The following CHEK1 variants were observed in gnomAD, a reference collection of about 807,000 sequenced individuals.
CHEK1 encodes checkpoint kinase 1, also known as serine/threonine-protein kinase Chk1.
CHEK1 carries 32 observed loss-of-function variants against 60.2 expected under a neutral mutation model. The observed-to-expected ratio is 0.53, with a 90% CI of 0.40 to 0.71. The LOEUF (loss-of-function observed/expected upper bound fraction) is 0.71. CHEK1 is among the 30% of genes least tolerant of loss of function. The pLI is 0.00. For missense variants in CHEK1, 399 were observed against 564.6 expected (o/e 0.71, Z 2.97); for synonymous variants, 179 against 187.2 (o/e 0.96, Z 0.36).
intron 13 of CHEK1, among the ~76,000 whole-genome samples, chr11:125,674,509 T>C (rs1942388205): frequency 2.0e-5 from 3 of 152,190 alleles, no homozygotes; most frequent in Admixed American, 2.0e-4. Flanking sequence ...GTGTAGAGTG[T>C]AAACAGGGAT....
rs995998550 is a variant in CHEK1, at chr11:125,625,850, A to C, written c.-183A>C. 4.3e-6 allele frequency: 3 copies of C among 702,488 alleles called. No individual in the cohort carries two copies. The highest frequency in any genetic ancestry group is 2.0e-5 in the Admixed American group (1 of 50,012). The allele number at this position is 702,488 out of a possible 1,614,324, so 43.5% of individuals were successfully genotyped here. On this transcript the variant is annotated 5_prime_UTR_variant, in exon 1 of 13. Coordinates refer to ENST00000438015, the MANE Select transcript of CHEK1 (RefSeq NM_001114122.3). The stretch of plus-strand genomic sequence containing the variant: ...GCGGGAGCGGCAACATCTCCACGTC[A>C]CCCTTTTGGAGCCGCCGACATTCAG...
rs1485430319 is a variant in CHEK1, at chr11:125,643,842, G to A, written c.865G>A (p.Gly289Arg). The A allele has an allele frequency of 6.2e-7, 1 of 1,614,068 alleles. No individual in the cohort carries two copies. The highest frequency in any genetic ancestry group is 2.2e-5 in the East Asian group (1 of 44,866). ...TSGGVSESPS[G>R]FSKHIQSNLD... The stretch of plus-strand genomic sequence containing the variant: ...AGGTGGTGTGTCAGAGTCTCCCAGT[G>A]GATTTTCTAAGCACATTCAATCCAA... Residue 289 changes from glycine to arginine, a missense_variant, in exon 9 of 13, where the codon GGA becomes AGA. Transcript: ENST00000438015.
chr11:125,676,409 G>C (rs193921098), downstream of CHEK1: 7 of 1,614,074 alleles, frequency 4.3e-6, no homozygotes, highest in Middle Eastern at 1.6e-4. Flanking sequence ...AGTGATGCAG[G>C]TTCCCTCTCC....
At chr11:125,647,442 G>A (rs1355033117) in intron 11 of CHEK1, among the ~76,000 whole-genome samples, 9 of 151,100 alleles carry the variant, frequency 6.0e-5, no homozygotes. Context: ...TAGCTTTATA[G>A]TGAATTTTGA....
chr11:125,627,080 A>G (rs534131872), intron 2 of CHEK1, among the ~76,000 whole-genome samples: 1 of 152,280 alleles, frequency 6.6e-6, no homozygotes, highest in East Asian at 1.9e-4. Flanking sequence ...GGGTTTAAGC[A>G]TTGCGGTTAA....
chr11:125,648,547 A>C (rs917263862), intron 11 of CHEK1, among the ~76,000 whole-genome samples: 34 of 151,072 alleles, frequency 2.3e-4, no homozygotes, highest in Admixed American at 1.3e-3. Context: ...ACGCCACTGC[A>C]CTCCAGCCTG....
intron 13 of CHEK1, among the ~76,000 whole-genome samples, chr11:125,668,670 T>C (rs474360): frequency 0.32 from 48,304 of 151,852 alleles, 7,952 homozygotes; most frequent in East Asian, 0.42. Context: ...TCTCCTGCCT[T>C]AGTCTCTGGG....
chr11:125,650,311 A>T (rs1349491279), intron 11 of CHEK1, among the ~76,000 whole-genome samples: 1 of 151,598 alleles, frequency 6.6e-6, no homozygotes, highest in African/African-American at 2.4e-5. Context: ...TAAGGGCCAT[A>T]CTTTGTTTCC....
rs145794689 is a variant in CHEK1 at position 125,644,627 on chromosome 11, A to C, written c.1217A>C (p.Lys406Thr). ...GAGAAGTTGGGCTATCAATGGAAGA[A>C]AAGTTGTATGAATCAGGTGTGTTTC... ...TCEKLGYQWKKSCMNQVTIST... is the reference protein window; with the variant it reads ...TCEKLGYQWKTSCMNQVTIST... Residue 406 changes from lysine to threonine, a missense_variant, in exon 11 of 13, where the codon AAA (lysine) becomes ACA (threonine). Transcript: ENST00000438015. The C allele has an allele frequency of 5.1e-5, 83 of 1,613,918 alleles. No homozygotes were observed. Among genetic ancestry groups the C allele is most frequent in the Non-Finnish European group, 6.5e-5 (77 of 1,180,004 alleles).
chr11:125,633,468 A>G, intron 6 of CHEK1, 117 bp downstream of exon 6: 2 of 933,332 alleles, frequency 2.1e-6, no homozygotes, highest in East Asian at 3.2e-5. Flanking sequence ...TTCTTTTTTA[A>G]GAGACAGGGT....
At chr11:125,643,959 C>T in intron 9 of CHEK1, 59 bp downstream of exon 9, 1 of 1,527,594 alleles carries the variant, frequency 6.5e-7, no homozygotes, top group South Asian at 1.2e-5. Flanking sequence ...AAGAATAATA[C>T]ATGTATGTGT....
chr11:125,644,212 T>A lies in CHEK1; in HGVS notation c.1045T>A (p.Cys349Ser). ...VQGISFSQPTCPDHMLLNSQL... is the reference protein window; with the variant it reads ...VQGISFSQPTSPDHMLLNSQL... ...AGGGATCAGCTTTTCCCAGCCCACA[T>A]GTCCTGATCATATGCTTTTGAATAG... Residue 349 changes from cysteine to serine, a missense_variant, in exon 10 of 13, where the codon TGT (cysteine) becomes AGT (serine). Around this residue, in one of 2 missense-constraint regions of CHEK1, gnomAD observed 370 missense variants for 494.8 expected, o/e 0.75. Transcript: ENST00000438015. 3 of 1,614,200 alleles carry A rather than the reference T, an allele frequency of 1.9e-6. No individual in the cohort carries two copies. In the South Asian group the frequency reaches 3.3e-5, roughly 18 times the overall value.
chr11:125,631,987 C>T (rs1371110458), intron 5 of CHEK1, among the ~76,000 whole-genome samples: 1 of 151,744 alleles, frequency 6.6e-6, no homozygotes, highest in African/African-American at 2.4e-5. Context: ...AAATCAGTCC[C>T]CTATTTTGAG....
At chr11:125,678,129 C>T, downstream of CHEK1, 2 of 1,614,168 alleles carry the variant, frequency 1.2e-6, no homozygotes, top group South Asian at 2.2e-5. Flanking sequence ...CTTGCTTGAA[C>T]CATGCTCACT....
chr11:125,662,310 C>G (rs755951856), intron 13 of CHEK1, among the ~76,000 whole-genome samples: 4 of 148,054 alleles, frequency 2.7e-5, no homozygotes, highest in Admixed American at 6.7e-5. Flanking sequence ...GGCAAAGCAG[C>G]TCTTTAGGGC....
chr11:125,638,672 G>T (rs3731428), intron 8 of CHEK1, among the ~76,000 whole-genome samples: 1 of 152,090 alleles, frequency 6.6e-6, no homozygotes, highest in South Asian at 2.1e-4. Context: ...CATGGTACAG[G>T]TGTCCTCCTT....
chr11:125,670,483 T>C (rs1315676998), intron 13 of CHEK1, among the ~76,000 whole-genome samples: 1 of 152,218 alleles, frequency 6.6e-6, no homozygotes, highest in Admixed American at 6.5e-5. Context: ...GTATTGACTT[T>C]TGTTCTATTA....
downstream of CHEK1, chr11:125,676,457 G>A (rs1368816923): frequency 3.7e-6 from 6 of 1,614,148 alleles, no homozygotes; most frequent in South Asian, 1.1e-5. Flanking sequence ...ATAAGCACAT[G>A]TGTAGCAATT....
downstream of CHEK1, among the ~76,000 whole-genome samples, chr11:125,660,481 C>A (rs1353396685): frequency 6.6e-6 from 1 of 152,110 alleles, no homozygotes; most frequent in South Asian, 2.1e-4. Context: ...CTGCCTCAGT[C>A]TCCCAACTAG....
Sources: allele counts gnomAD v4.1 joint callset (sites outside exome capture counted in the v4.1 genomes callset), GRCh38; gene constraint gnomAD v4.1.1; regional missense constraint gnomAD v4.1.1; transcripts MANE v1.5; gene names NCBI Gene and HGNC (gene_info 2026-07-23, HGNC 2026-07-21).